The following CD2AP variants were observed in gnomAD, a reference collection of about 807,000 sequenced individuals.
CD2AP encodes CD2 associated protein.
In CD2AP, 46 loss-of-function variants were observed where a neutral mutation model predicts 85.1. The ratio of observed to expected loss-of-function variants is 0.54; its 90% CI spans 0.43 to 0.69. The LOEUF is 0.69. Ranked by LOEUF, CD2AP falls within the 30% of genes least tolerant of loss-of-function variation. The probability of loss-of-function intolerance (pLI) is 0.00; values close to 1 mark genes in which losing one functional copy is unlikely to be tolerated. For missense variants in CD2AP, 769 were observed against 729.5 expected (o/e 1.05, Z -0.62); for synonymous variants, 255 against 252.9 (o/e 1.01, Z -0.08).
intron 17 of CD2AP, among the ~76,000 whole-genome samples, chr6:47,615,792 A>ATTTATTTATTT (rs1554129260): frequency 8.3e-4 from 97 of 117,406 alleles, no homozygotes; most frequent in East Asian, 2.2e-3. Context: ...AATTTAATTT[A>ATTTATTTATTT]ATTTATTTAT....
chr6:47,575,253 A>G (rs1044902907), intron 6 of CD2AP, among the ~76,000 whole-genome samples: 43 of 152,208 alleles, frequency 2.8e-4, no homozygotes, highest in Admixed American at 6.5e-4. Context: ...CTCTATAGCC[A>G]TGTAACAGCT....
intron 2 of CD2AP, among the ~76,000 whole-genome samples, chr6:47,530,243 A>G (rs907364930): frequency 3.3e-5 from 5 of 152,182 alleles, no homozygotes; most frequent in African/African-American, 4.8e-5. Flanking sequence ...AATGGCATCC[A>G]TTTAAAATGT....
chr6:47,535,072 C>G (rs1353563331), intron 3 of CD2AP, among the ~76,000 whole-genome samples: 4 of 152,162 alleles, frequency 2.6e-5, no homozygotes, highest in Admixed American at 2.0e-4. Flanking sequence ...GCTGGAATTA[C>G]AGACGTGAGC....
chr6:47,543,602 C>T (rs1276821843), intron 3 of CD2AP, among the ~76,000 whole-genome samples: 1 of 152,174 alleles, frequency 6.6e-6, no homozygotes, highest in Admixed American at 6.5e-5. Flanking sequence ...TGTTTTCTCA[C>T]TTGGTCTTTC....
chr6:47,527,378 A>G (rs969546283), intron 2 of CD2AP, among the ~76,000 whole-genome samples: 2 of 152,224 alleles, frequency 1.3e-5, no homozygotes, highest in African/African-American at 4.8e-5. Flanking sequence ...TCTTATATCC[A>G]AGAGACCAAA....
At chr6:47,554,592 A>G (rs768383094) in intron 4 of CD2AP, 54 bp from the exon 5 acceptor site, 2 of 1,606,856 alleles carry the variant, frequency 1.2e-6, no homozygotes, top group Non-Finnish European at 8.5e-7. Flanking sequence ...CCATAGGGTG[A>G]CGATTTTCAC....
At chr6:47,501,085 A>G (rs559575052) in intron 1 of CD2AP, among the ~76,000 whole-genome samples, 101 of 152,278 alleles carry the variant, frequency 6.6e-4, no homozygotes, top group African/African-American at 2.3e-3. Flanking sequence ...CCTTCCCAGA[A>G]GAAAGAATTC....
At chr6:47,616,765 T>C (rs926094495) in intron 17 of CD2AP, among the ~76,000 whole-genome samples, 1 of 152,194 alleles carries the variant, frequency 6.6e-6, no homozygotes, top group Non-Finnish European at 1.5e-5. Context: ...TTGTGGTCTC[T>C]GATTTTTCAC....
chr6:47,554,053 C>T (rs891364220), intron 4 of CD2AP, among the ~76,000 whole-genome samples: 1 of 152,168 alleles, frequency 6.6e-6, no homozygotes, highest in East Asian at 1.9e-4. Context: ...GCTGGGACTA[C>T]AGGCGCGAAC....
intron 5 of CD2AP, among the ~76,000 whole-genome samples, chr6:47,557,593 C>T (rs147506255): frequency 0.014 from 2,166 of 152,254 alleles, 36 homozygotes; most frequent in African/African-American, 0.034. Context: ...ATCCTTTCCC[C>T]ATTGCTGGTT....
intron 11 of CD2AP, among the ~76,000 whole-genome samples, chr6:47,592,003 AT>A (rs1393160476): frequency 6.6e-6 from 1 of 151,218 alleles, no homozygotes; most frequent in Non-Finnish European, 1.5e-5. Context: ...TTTTTAATTT[AT>A]TTTTTTCTTT....
At chr6:47,508,296 T>G (rs1330040923) in intron 2 of CD2AP, among the ~76,000 whole-genome samples, 1 of 152,236 alleles carries the variant, frequency 6.6e-6, no homozygotes, top group Non-Finnish European at 1.5e-5. Flanking sequence ...GTTAACTTGT[T>G]GCAGCTTCTC....
Position 47,596,013 on chromosome 6 carries a change from C to T in CD2AP, c.1261C>T (p.Pro421Ser). 1 of 1,611,682 alleles carries T rather than the reference C, an allele frequency of 6.2e-7. No individual in the cohort carries two copies. The highest frequency in any genetic ancestry group is 8.5e-7 in the Non-Finnish European group (1 of 1,178,036). ...KRPEKPVPPP[P>S]PIAKINGEVS... ...ACCTGAAAAACCAGTTCCTCCACCA[C>T]CTCCTATAGCCAAGTAAGTTTTACC... Residue 421 changes from proline to serine, a missense_variant, in exon 12 of 18, where the codon CCT becomes TCT. Transcript: ENST00000359314.
At chr6:47,558,194 T>A (rs1330893164) in intron 5 of CD2AP, among the ~76,000 whole-genome samples, 3 of 152,236 alleles carry the variant, frequency 2.0e-5, no homozygotes, top group African/African-American at 7.2e-5. Context: ...GAGACTTTGC[T>A]GAAGTTGCTT....
chr6:47,525,082 AC>A (rs1488887949), intron 2 of CD2AP, among the ~76,000 whole-genome samples: 4 of 152,200 alleles, frequency 2.6e-5, no homozygotes, highest in South Asian at 4.1e-4. Context: ...ATTAAAAAAA[AC>A]AAAAATACTT....
At chr6:47,608,217 C>T (rs952750911) in intron 15 of CD2AP, among the ~76,000 whole-genome samples, 189 bp downstream of exon 15, 4 of 152,142 alleles carry the variant, frequency 2.6e-5, no homozygotes, top group Non-Finnish European at 5.9e-5. Flanking sequence ...AAAGAGCTTA[C>T]ATTTTAATTG....
At chr6:47,542,416 T>C (rs1346843331) in intron 3 of CD2AP, among the ~76,000 whole-genome samples, 1 of 152,246 alleles carries the variant, frequency 6.6e-6, no homozygotes, top group Non-Finnish European at 1.5e-5. Context: ...GTTTGAATTA[T>C]GGTTCTTTCC....
intron 11 of CD2AP, among the ~76,000 whole-genome samples, chr6:47,588,929 A>G (rs1433813013): frequency 6.6e-6 from 1 of 152,100 alleles, no homozygotes; most frequent in African/African-American, 2.4e-5. Flanking sequence ...GAAGAATACT[A>G]TTTACTGATT....
At chr6:47,481,137 G>C (rs1356584309) in intron 1 of CD2AP, among the ~76,000 whole-genome samples, 1 of 152,132 alleles carries the variant, frequency 6.6e-6, no homozygotes, top group Non-Finnish European at 1.5e-5. Context: ...TTTTGGAGCA[G>C]AATTAGGCAG....
Sources: allele counts gnomAD v4.1 joint callset (sites outside exome capture counted in the v4.1 genomes callset), GRCh38; gene constraint gnomAD v4.1.1; transcripts MANE v1.5; gene names NCBI Gene and HGNC (gene_info 2026-07-23, HGNC 2026-07-21).